Variants in CDYL observed in about 807,000 individuals in gnomAD.
CDYL encodes chromodomain Y-like protein.
In CDYL, 8 loss-of-function variants were observed where a neutral mutation model predicts 47.3. The observed-to-expected ratio is 0.17, with a 90% confidence interval of 0.10 to 0.31. The LOEUF (loss-of-function observed/expected upper bound fraction) is 0.31. Among genes scored for constraint, CDYL ranks in the 10% least tolerant of loss-of-function variants. The pLI, the probability that CDYL is intolerant of heterozygous loss-of-function variation, is 1.00. For missense variants in CDYL, 471 were observed against 701.4 expected (o/e 0.67, Z 3.71); for synonymous variants, 266 against 265.0 (o/e 1.00, Z -0.04).
Position 4,863,747 on chromosome 6 carries a change from T to C in CDYL, c.25-27966T>C, listed in dbSNP as rs535730153. ...TATTTCTTGCAGAAGCTGAGACATATTTAATGCAGAAGCTGATTTCAAATT... is the reference window on the plus strand; with the variant it reads ...TATTTCTTGCAGAAGCTGAGACATACTTAATGCAGAAGCTGATTTCAAATT... On this transcript the variant is annotated intron_variant, in intron 1 of 6. Coordinates refer to ENST00000397588, the MANE Select transcript of CDYL (RefSeq NM_004824.4). Among the ~76,000 whole-genome samples, 6 of 152,378 alleles carry C rather than the reference T, an allele frequency of 3.9e-5. No homozygotes were observed. The South Asian group carries it at 8.3e-4, about 21-fold the overall frequency.
At chr6:4,909,794 T>C (rs1175924326) in intron 2 of CDYL, among the ~76,000 whole-genome samples, 3 of 152,078 alleles carry the variant, frequency 2.0e-5, no homozygotes, top group East Asian at 3.9e-4. Context: ...CAGGATGATC[T>C]CGATCTCCTG....
chr6:4,880,868 CTTG>C (rs1295405534), intron 1 of CDYL, among the ~76,000 whole-genome samples: 1 of 152,168 alleles, frequency 6.6e-6, no homozygotes, highest in Non-Finnish European at 1.5e-5. Context: ...ATCAGTTTCA[CTTG>C]TTAAGTTTTA....
At chr6:4,887,641 A>T (rs1761932113) in intron 1 of CDYL, among the ~76,000 whole-genome samples, 1 of 152,252 alleles carries the variant, frequency 6.6e-6, no homozygotes, top group Non-Finnish European at 1.5e-5. Context: ...AAATAGCAAT[A>T]ATTGTACTTC....
intron 4 of CDYL, among the ~76,000 whole-genome samples, chr6:4,939,980 T>C (rs1319870847): frequency 4.6e-5 from 7 of 151,114 alleles, no homozygotes; most frequent in Non-Finnish European, 7.4e-5. Flanking sequence ...GTGAGCCCGC[T>C]GGTGCCTCGC....
chr6:4,911,073 G>T (rs766960597), intron 2 of CDYL, among the ~76,000 whole-genome samples: 1 of 152,126 alleles, frequency 6.6e-6, no homozygotes, highest in Non-Finnish European at 1.5e-5. Context: ...TGATCCACCC[G>T]CCTTGGCCTC....
In CDYL at chr6:4,931,691, C is replaced by T. The variant is rs563110739; in HGVS notation, c.692-3824C>T. Reference sequence around the variant, plus strand: ...AAAGTTCAGTGTCACATGCCCTACTCAGATGAGTAACAGGGAGTGCCAGGA... The same window carrying T: ...AAAGTTCAGTGTCACATGCCCTACTTAGATGAGTAACAGGGAGTGCCAGGA... On this transcript the variant is annotated intron_variant, in intron 2 of 6. Coordinates refer to ENST00000397588, the MANE Select transcript of CDYL (RefSeq NM_004824.4). 1.9e-3 allele frequency among the ~76,000 whole-genome samples: 293 copies of T among 152,262 alleles called. 1 individual carries two copies. The highest frequency in any genetic ancestry group is 6.5e-3 in the African/African-American group (268 of 41,540).
Position 4,952,406 on chromosome 6 carries a change from A to G in CDYL, c.1473A>G (p.Pro491=), listed in dbSNP as rs988736566. The change falls in exon 6 of 7, where the codon CCA becomes CCG. Residue 491 remains proline (P), a synonymous_variant. Coordinates refer to ENST00000397588, the MANE Select transcript of CDYL (RefSeq NM_004824.4). ...TTAAGGAGCTTGCCTCGTGCAATCC[A>G]GTTGTATGTCTAATTGCTTCTGTTA... ...VRIKELASCN[P]VVLEESKALV... 4.3e-6 allele frequency: 7 copies of G among 1,611,160 alleles called. No individual in the cohort carries two copies. Among genetic ancestry groups the G allele is most frequent in the Non-Finnish European group, 5.9e-6 (7 of 1,179,002 alleles).
At chr6:4,943,209 G>C (rs1472675252) in intron 4 of CDYL, among the ~76,000 whole-genome samples, 1 of 152,118 alleles carries the variant, frequency 6.6e-6, no homozygotes, top group African/African-American at 2.4e-5. Flanking sequence ...GTGTCTTCGA[G>C]GGAAGACAGG....
intron 1 of CDYL, among the ~76,000 whole-genome samples, chr6:4,794,640 G>A (rs1759020267): frequency 6.6e-6 from 1 of 152,122 alleles, no homozygotes; most frequent in Middle Eastern, 3.2e-3. Context: ...TTCCTGAGAT[G>A]GCCAGAAGGG....
In CDYL at chr6:4,840,743, C is replaced by T. The variant is rs117121323; in HGVS notation, c.25-50970C>T. Among the ~76,000 whole-genome samples the T allele has an allele frequency of 3.2e-4, 48 of 152,224 alleles. No homozygotes were observed. In the East Asian group the frequency reaches 5.4e-3, roughly 17 times the overall value. ...CCATCCCTGCATCCTGATATGAAAC[C>T]CACTTGATCATGGTGGGTTATCTTT... On this transcript the variant is annotated intron_variant, in intron 1 of 6. Transcript: ENST00000397588.
chr6:4,783,850 A>G (rs1159837572), intron 1 of CDYL, among the ~76,000 whole-genome samples: 1 of 151,956 alleles, frequency 6.6e-6, no homozygotes, highest in Non-Finnish European at 1.5e-5. Context: ...GTGATTTTTT[A>G]TTAGTTAGGT....
At chr6:4,788,492 A>AT (rs1758822724) in intron 1 of CDYL, among the ~76,000 whole-genome samples, 3 of 150,936 alleles carry the variant, frequency 2.0e-5, no homozygotes, top group African/African-American at 7.3e-5. Context: ...AAAAAAAAAA[A>AT]AAAAAAAAAA....
At chr6:4,910,764 G>A (rs1379321877) in intron 2 of CDYL, among the ~76,000 whole-genome samples, 1 of 152,196 alleles carries the variant, frequency 6.6e-6, no homozygotes, top group Non-Finnish European at 1.5e-5. Flanking sequence ...GGTTTGGATA[G>A]AAGGCATGAA....
At chr6:4,836,785 C>T (rs960219380) in intron 1 of CDYL, among the ~76,000 whole-genome samples, 4 of 152,060 alleles carry the variant, frequency 2.6e-5, no homozygotes, top group African/African-American at 9.7e-5. Context: ...GGACTGAGTG[C>T]GAGGAAGGGC....
At chr6:4,761,500 C>T (rs868401386) in intron 3 of CDYL, among the ~76,000 whole-genome samples, 5 of 152,138 alleles carry the variant, frequency 3.3e-5, no homozygotes, top group African/African-American at 1.2e-4. Flanking sequence ...TCCGCCACCA[C>T]GCCCGGCTAA....
At chr6:4,840,182 G>T (rs1316245668) in intron 1 of CDYL, among the ~76,000 whole-genome samples, 2 of 151,700 alleles carry the variant, frequency 1.3e-5, no homozygotes, top group East Asian at 3.9e-4. Context: ...TTTTTAAAGG[G>T]GTTGAGTTCT....
intron 1 of CDYL, among the ~76,000 whole-genome samples, chr6:4,862,643 C>A (rs1273772551): frequency 6.6e-6 from 1 of 152,178 alleles, no homozygotes; most frequent in Non-Finnish European, 1.5e-5. Context: ...GCTAGGTCTA[C>A]AACATTTTCA....
intron 2 of CDYL, among the ~76,000 whole-genome samples, chr6:4,902,562 C>T (rs1757100526): frequency 6.6e-6 from 1 of 152,216 alleles, no homozygotes. Flanking sequence ...GGAGACTGAG[C>T]TGTGCCCAGC....
intron 3 of CDYL, among the ~76,000 whole-genome samples, chr6:4,746,925 G>A (rs1040045): frequency 0.62 from 94,746 of 151,922 alleles, 33,660 homozygotes; most frequent in East Asian, 0.92. Flanking sequence ...TCCATGCTGC[G>A]TTACCCCAAT....
Sources: allele counts gnomAD v4.1 joint callset (sites outside exome capture counted in the v4.1 genomes callset), GRCh38; gene constraint gnomAD v4.1.1; transcripts MANE v1.5; gene names NCBI Gene and HGNC (gene_info 2026-07-23, HGNC 2026-07-21).